BICC1: variants seen among roughly 807,000 people sequenced by gnomAD.
BICC1 encodes protein bicaudal C homolog 1.
BICC1 carries 43 observed loss-of-function variants against 111.0 expected under a neutral mutation model. The ratio of observed to expected loss-of-function variants is 0.39; its 90% CI spans 0.30 to 0.50. BICC1 has a LOEUF of 0.50. BICC1 is among the 20% of genes least tolerant of loss of function. The probability of loss-of-function intolerance (pLI) is 0.88; values close to 1 mark genes in which losing one functional copy is unlikely to be tolerated. For missense variants in BICC1, 1,091 were observed against 1,203.2 expected (o/e 0.91, Z 1.38); for synonymous variants, 467 against 434.4 (o/e 1.07, Z -0.93).
chr10:58,514,602 T>C (rs1842191215), intron 1 of BICC1, among the ~76,000 whole-genome samples: 1 of 152,306 alleles, frequency 6.6e-6, no homozygotes, highest in Non-Finnish European at 1.5e-5. Flanking sequence ...GCTACAGGCT[T>C]TCCTCCCTTG....
chr10:58,553,553 A>G (rs903819282), intron 1 of BICC1, among the ~76,000 whole-genome samples: 5 of 152,158 alleles, frequency 3.3e-5, no homozygotes, highest in African/African-American at 1.2e-4. Flanking sequence ...GTAAGACAAT[A>G]AATTTGTGCT....
In BICC1 at chr10:58,647,112, T is replaced by A. The variant is rs77226991; in HGVS notation, c.237+26211T>A. Among the ~76,000 whole-genome samples the A allele has an allele frequency of 9.3e-3, 1,409 of 152,318 alleles. 13 individuals are homozygous for A. The highest frequency in any genetic ancestry group is 0.015 in the Non-Finnish European group (999 of 68,020). On this transcript the variant is annotated intron_variant, in intron 2 of 20. Coordinates refer to ENST00000373886, the MANE Select transcript of BICC1 (RefSeq NM_001080512.3). The stretch of plus-strand genomic sequence containing the variant: ...CCTGCATATACCACTTTAATTTAAT[T>A]GTCATTTACTCTGTAAACTAGTCTG...
chr10:58,628,396 A>T (rs1450940289), intron 2 of BICC1, among the ~76,000 whole-genome samples: 1 of 152,224 alleles, frequency 6.6e-6, no homozygotes, highest in Non-Finnish European at 1.5e-5. Flanking sequence ...GTTTCAGATC[A>T]TCAAGGTGGA....
intron 18 of BICC1, 73 bp from the exon 19 acceptor site, chr10:58,817,489 A>T (rs1844129645): frequency 1.6e-5 from 24 of 1,536,910 alleles, no homozygotes; most frequent in Non-Finnish European, 2.0e-5. Context: ...TATTTAGGTG[A>T]TTAAAACTTT....
rs776293260 is a variant in BICC1, at chr10:58,534,154, T to C, written c.190+20821T>C. Among the ~76,000 whole-genome samples the C allele has an allele frequency of 6.1e-4, 92 of 151,618 alleles. 2 individuals are homozygous for C. Among genetic ancestry groups the C allele is most frequent in the Non-Finnish European group, 1.6e-4 (11 of 67,760 alleles). The stretch of plus-strand genomic sequence containing the variant: ...TTATATCAGACAAAAATAGACTTTA[T>C]AGAAAATAGGTAAAGGAGGGCATTA... On this transcript the variant is annotated intron_variant, in intron 1 of 20. Coordinates refer to ENST00000373886, the MANE Select transcript of BICC1 (RefSeq NM_001080512.3).
intron 3 of BICC1, among the ~76,000 whole-genome samples, chr10:58,735,915 T>C (rs1841452020): frequency 6.6e-6 from 1 of 152,206 alleles, no homozygotes; most frequent in Non-Finnish European, 1.5e-5. Flanking sequence ...TTGTCCCCAC[T>C]TCAGTGTTCC....
At chr10:58,750,921 G>C (rs920743106) in intron 3 of BICC1, among the ~76,000 whole-genome samples, 1 of 152,114 alleles carries the variant, frequency 6.6e-6, no homozygotes, top group African/African-American at 2.4e-5. Flanking sequence ...TTTCGTGTTT[G>C]TGTTCTTCCT....
chr10:58,565,013 C>T (rs774663952), intron 1 of BICC1, among the ~76,000 whole-genome samples: 25 of 152,012 alleles, frequency 1.6e-4, no homozygotes, highest in Non-Finnish European at 2.9e-4. Context: ...TTCAACTTAC[C>T]TAGCCATCAG....
At chr10:58,808,281 T>C (rs993274967) in intron 17 of BICC1, among the ~76,000 whole-genome samples, 4 of 152,138 alleles carry the variant, frequency 2.6e-5, no homozygotes, top group African/African-American at 9.7e-5. Flanking sequence ...CTTTCTTCCA[T>C]TATAACACAG....
chr10:58,702,902 A>G (rs1371343255), intron 3 of BICC1, among the ~76,000 whole-genome samples: 1 of 152,174 alleles, frequency 6.6e-6, no homozygotes, highest in Non-Finnish European at 1.5e-5. Flanking sequence ...TCTGAGCTGC[A>G]ATTATCCATC....
At chr10:58,827,728 A>G (rs1844439690) in intron 20 of BICC1, among the ~76,000 whole-genome samples, 1 of 152,214 alleles carries the variant, frequency 6.6e-6, no homozygotes, top group African/African-American at 2.4e-5. Flanking sequence ...AAGAATGACT[A>G]GTACCATATA....
At chr10:58,702,882 A>C (rs1429252152) in intron 3 of BICC1, among the ~76,000 whole-genome samples, 2 of 152,226 alleles carry the variant, frequency 1.3e-5, no homozygotes, top group Non-Finnish European at 2.9e-5. Context: ...CAATTAAAAA[A>C]TAATTGCAGT....
intron 2 of BICC1, among the ~76,000 whole-genome samples, chr10:58,671,356 G>C (rs1184012647): frequency 6.6e-6 from 1 of 152,134 alleles, no homozygotes; most frequent in Non-Finnish European, 1.5e-5. Context: ...CACCTTTACT[G>C]TTCCCATCTG....
chr10:58,724,145 T>C (rs976360000), intron 3 of BICC1, among the ~76,000 whole-genome samples: 4 of 152,226 alleles, frequency 2.6e-5, no homozygotes, highest in African/African-American at 9.6e-5. Context: ...TTTTGAAATG[T>C]TACATGTCCA....
chr10:58,663,168 G>A (rs1390218114), intron 2 of BICC1, among the ~76,000 whole-genome samples: 3 of 148,740 alleles, frequency 2.0e-5, no homozygotes, highest in South Asian at 2.1e-4. Flanking sequence ...CTGGGTTGAC[G>A]CCATTCTCCT....
chr10:58,827,740 A>C (rs1043523376), intron 20 of BICC1, among the ~76,000 whole-genome samples: 1 of 152,194 alleles, frequency 6.6e-6, no homozygotes, highest in Non-Finnish European at 1.5e-5. Flanking sequence ...TACCATATAG[A>C]AACATTTTTA....
intron 1 of BICC1, among the ~76,000 whole-genome samples, chr10:58,613,647 T>C (rs1845507402): frequency 6.6e-6 from 1 of 152,220 alleles, no homozygotes; most frequent in South Asian, 2.1e-4. Flanking sequence ...AGCTCCAGTG[T>C]TGGGTTCGGA....
At chr10:58,674,593 T>C (rs1839283164) in intron 2 of BICC1, among the ~76,000 whole-genome samples, 1 of 152,192 alleles carries the variant, frequency 6.6e-6, no homozygotes, top group Non-Finnish European at 1.5e-5. Flanking sequence ...AAAGTGATTC[T>C]ACCTGAGGGC....
chr10:58,815,071 AT>A (rs1223944115), intron 18 of BICC1, among the ~76,000 whole-genome samples: 4 of 151,646 alleles, frequency 2.6e-5, no homozygotes, highest in African/African-American at 9.7e-5. Flanking sequence ...GAGAGCTGAC[AT>A]TGTCATCACA....
Sources: gnomAD v4.1 joint callset for allele counts (sites outside exome capture counted in the v4.1 genomes callset) on GRCh38, gnomAD v4.1.1 for gene constraint, MANE v1.5 for transcripts, NCBI Gene and HGNC (gene_info 2026-07-23, HGNC 2026-07-21) for gene names.